CCDC146: variants seen among roughly 807,000 people sequenced by gnomAD.
CCDC146 encodes coiled-coil domain containing 146.
Under a neutral mutation model 119.3 loss-of-function variants are expected in CCDC146, and 92 were observed. The observed-to-expected ratio is 0.77, with a 90% CI of 0.65 to 0.92. The LOEUF is 0.92. CCDC146 is among the 40% of genes least tolerant of loss of function. The pLI, the probability that CCDC146 is intolerant of heterozygous loss-of-function variation, is 0.00. For synonymous variants in CCDC146, 372 were observed against 371.8 expected (o/e 1.00, Z -0.01); for missense variants, 1,000 against 1,103.0 (o/e 0.91, Z 1.32).
chr7:77,246,180 A>G (rs940731900), intron 4 of CCDC146, among the ~76,000 whole-genome samples: 3 of 152,202 alleles, frequency 2.0e-5, no homozygotes, highest in East Asian at 3.8e-4. Context: ...CATTCAGTCT[A>G]TGCATAAACA....
At chr7:77,160,706 C>T (rs1791247823) in intron 1 of CCDC146, among the ~76,000 whole-genome samples, 1 of 152,140 alleles carries the variant, frequency 6.6e-6, no homozygotes, top group South Asian at 2.1e-4. Context: ...ACAATCATGT[C>T]ATCTGCAAAC....
rs188071328 is a variant in CCDC146, at chr7:77,217,152, T to C, written c.157-19795T>C. 3.2e-3 allele frequency among the ~76,000 whole-genome samples: 484 copies of C among 152,246 alleles called. 3 individuals are homozygous for C. Among genetic ancestry groups the C allele is most frequent in the African/African-American group, 0.011 (462 of 41,560 alleles). On this transcript the variant is annotated intron_variant, in intron 2 of 18. Coordinates refer to ENST00000285871, the MANE Select transcript of CCDC146 (RefSeq NM_020879.3). ...AACAGAGTAAGAAAATCTCTAGAAT[T>C]TTAAAGTATTAAGTTCTAAACCTCA...
chr7:77,270,783 C>G (rs968492881), intron 9 of CCDC146, among the ~76,000 whole-genome samples: 3 of 152,232 alleles, frequency 2.0e-5, no homozygotes, highest in Non-Finnish European at 4.4e-5. Flanking sequence ...GCTCCCCTTT[C>G]AGTCAACCTT....
chr7:77,270,931 GC>G (rs1485592830), intron 9 of CCDC146, among the ~76,000 whole-genome samples: 1 of 151,838 alleles, frequency 6.6e-6, no homozygotes, highest in Non-Finnish European at 1.5e-5. Context: ...CAGGAAAACA[GC>G]CACTTTCCCA....
intron 1 of CCDC146, among the ~76,000 whole-genome samples, chr7:77,130,334 T>C (rs1251141114): frequency 9.2e-5 from 14 of 152,034 alleles, no homozygotes; most frequent in Admixed American, 9.2e-4. Flanking sequence ...AAAGCATAGT[T>C]AAGGCTTTGA....
chr7:77,161,568 A>G (rs1740677512), intron 1 of CCDC146, among the ~76,000 whole-genome samples: 2 of 146,030 alleles, frequency 1.4e-5, no homozygotes, highest in Non-Finnish European at 3.0e-5. Context: ...ATTCTCACTC[A>G]TAGGTTGGAA....
chr7:77,286,992 G>A (rs2150553606), intron 16 of CCDC146, 66 bp downstream of exon 16: 15 of 1,553,546 alleles, frequency 9.7e-6, no homozygotes, highest in Non-Finnish European at 1.2e-5. Context: ...AGATACCTAT[G>A]GTACTGTTTC....
Position 77,282,816 on chromosome 7 carries a change from G to C in CCDC146, c.2148+31G>C, listed in dbSNP as rs780372511. The C allele has an allele frequency of 4.0e-6, 6 of 1,487,234 alleles. No individual in the cohort carries two copies. In the Admixed American group the frequency reaches 5.3e-5, roughly 13 times the overall value. The allele number at this position is 1,487,234 out of a possible 1,614,324, so 92.1% of individuals were successfully genotyped here. On this transcript the variant is annotated intron_variant, in intron 15 of 18. Transcript: ENST00000285871. ...TGAGTGATCACGGGACACTTCCTCA[G>C]ACCATTTATTTTTTTCTGCCTTTAT...
chr7:77,273,798 C>T lies in CCDC146; in HGVS notation c.1269+9C>T, dbSNP rs1458259168. 2 of 1,560,756 alleles carry T rather than the reference C, an allele frequency of 1.3e-6. No homozygotes were observed. The highest frequency in any genetic ancestry group is 3.4e-5 in the Admixed American group (2 of 59,546). The stretch of plus-strand genomic sequence containing the variant: ...GGAATTTGGCCCAACAGGTTAATAT[C>T]AATGCTCATTTAAGCTTCTATCTAA... On this transcript the variant is annotated intron_variant, in intron 10 of 18. Coordinates refer to ENST00000285871, the MANE Select transcript of CCDC146 (RefSeq NM_020879.3).
chr7:77,258,284 G>A (rs1793219203), intron 6 of CCDC146, among the ~76,000 whole-genome samples: 5 of 152,160 alleles, frequency 3.3e-5, no homozygotes. Flanking sequence ...TGCTCAGCCA[G>A]TGACAATCTG....
intron 4 of CCDC146, among the ~76,000 whole-genome samples, chr7:77,250,971 ATT>A (rs1793047377): frequency 2.0e-5 from 2 of 99,298 alleles, no homozygotes; most frequent in Non-Finnish European, 4.1e-5. Context: ...GATCTCTGGT[ATT>A]TGTGTGTGTG....
intron 1 of CCDC146, among the ~76,000 whole-genome samples, chr7:77,131,547 G>A (rs113230447): frequency 0.011 from 1,646 of 151,804 alleles, 26 homozygotes; most frequent in African/African-American, 0.038. Context: ...GCGAAACCAC[G>A]TCTCTACTAA....
chr7:77,250,362 C>T (rs1793034010), intron 4 of CCDC146, among the ~76,000 whole-genome samples: 1 of 152,212 alleles, frequency 6.6e-6, no homozygotes, highest in South Asian at 2.1e-4. Context: ...TCTTGCAAAG[C>T]AGGTCTATTG....
intron 2 of CCDC146, among the ~76,000 whole-genome samples, chr7:77,230,481 T>C (rs1369059237): frequency 7.2e-6 from 1 of 139,742 alleles, no homozygotes; most frequent in Non-Finnish European, 1.5e-5. Flanking sequence ...TATAGGATTC[T>C]TGGTTGACAG....
At chr7:77,274,789 A>G (rs1478190986) in intron 11 of CCDC146, 137 bp downstream of exon 11, 1 of 632,452 alleles carries the variant, frequency 1.6e-6, no homozygotes, top group African/African-American at 1.8e-5. Flanking sequence ...CAAAAAACCA[A>G]ACATTGCATG....
chr7:77,288,702 A>G lies in CCDC146; in HGVS notation c.2415+1125A>G, dbSNP rs1330777492. Among the ~76,000 whole-genome samples the G allele has an allele frequency of 3.3e-5, 5 of 152,306 alleles. No individual in the cohort carries two copies. In the East Asian group the frequency reaches 9.7e-4, roughly 29 times the overall value. On this transcript the variant is annotated intron_variant, in intron 17 of 18. Transcript: ENST00000285871. ...TCTCATGCTAGGCATGAGTTCAGAA[A>G]CAAAGAGGAAGGGACACATTGTTTA...
intron 1 of CCDC146, among the ~76,000 whole-genome samples, chr7:77,140,851 TCA>T (rs113652793): frequency 2.6e-4 from 40 of 152,308 alleles, no homozygotes; most frequent in African/African-American, 9.1e-4. Context: ...TATATCGATA[TCA>T]CATTGATATA....
At chr7:77,263,792 T>A (rs1425536696) in intron 9 of CCDC146, among the ~76,000 whole-genome samples, 4 of 152,088 alleles carry the variant, frequency 2.6e-5, no homozygotes, top group African/African-American at 9.7e-5. Context: ...GGTGTGCTGG[T>A]GCACACCCAT....
intron 2 of CCDC146, among the ~76,000 whole-genome samples, chr7:77,197,899 C>T (rs1791905783): frequency 6.6e-6 from 1 of 152,082 alleles, no homozygotes; most frequent in South Asian, 2.1e-4. Flanking sequence ...CTGTATGAAT[C>T]AGACAGATAT....
Sources: gnomAD v4.1 joint callset for allele counts (sites outside exome capture counted in the v4.1 genomes callset) on GRCh38, gnomAD v4.1.1 for gene constraint, MANE v1.5 for transcripts, NCBI Gene and HGNC (gene_info 2026-07-23, HGNC 2026-07-21) for gene names.